Variants in ZMYND11 observed in about 807,000 individuals in gnomAD.
ZMYND11 encodes zinc finger MYND-type containing 11, also known as zinc finger MYND domain-containing protein 11.
Under a neutral mutation model 84.9 loss-of-function variants are expected in ZMYND11, and 9 were observed. That is an observed-to-expected ratio of 0.11 (90% CI 0.06 to 0.18). The LOEUF (loss-of-function observed/expected upper bound fraction) is 0.18. Among genes scored for constraint, ZMYND11 ranks in the 10% least tolerant of loss-of-function variants. The pLI, the probability that ZMYND11 is intolerant of heterozygous loss-of-function variation, is 1.00. For synonymous variants in ZMYND11, 250 were observed against 244.1 expected (o/e 1.02, Z -0.23); for missense variants, 409 against 761.0 (o/e 0.54, Z 5.44).
At chr10:211,710 C>A (rs933968266) in intron 3 of ZMYND11, among the ~76,000 whole-genome samples, 13 of 152,158 alleles carry the variant, frequency 8.5e-5, no homozygotes, top group Admixed American at 1.3e-4. Flanking sequence ...TTTACTTTCA[C>A]TGGTGTAATT....
chr10:199,271 C>T (rs369474964), intron 2 of ZMYND11, among the ~76,000 whole-genome samples: 1 of 136,878 alleles, frequency 7.3e-6, no homozygotes, highest in Non-Finnish European at 1.6e-5. Flanking sequence ...CTCCCCATTC[C>T]CCTTCCCATC....
intron 2 of ZMYND11, among the ~76,000 whole-genome samples, chr10:199,176 A>G (rs1013811049): frequency 1.7e-4 from 26 of 151,954 alleles, no homozygotes; most frequent in Admixed American, 6.6e-4. Flanking sequence ...CTAGTTTTCA[A>G]TGGAAGGATT....
chr10:190,951 G>A (rs1588808972), intron 2 of ZMYND11, among the ~76,000 whole-genome samples: 1 of 151,990 alleles, frequency 6.6e-6, no homozygotes, highest in East Asian at 1.9e-4. Flanking sequence ...TCTTTGAAGA[G>A]CATTCTGCTT....
intron 2 of ZMYND11, among the ~76,000 whole-genome samples, chr10:181,018 T>TTA (rs1554768093): frequency 3.3e-5 from 5 of 152,174 alleles, no homozygotes; most frequent in Non-Finnish European, 2.9e-5. Context: ...AAGCTTCTAT[T>TTA]TACATGTTGT....
intron 2 of ZMYND11, among the ~76,000 whole-genome samples, chr10:195,910 T>C (rs762697764): frequency 6.6e-6 from 1 of 152,150 alleles, no homozygotes; most frequent in Non-Finnish European, 1.5e-5. Context: ...CAAGAAGAAG[T>C]AAATGGGAGG....
intron 1 of ZMYND11, among the ~76,000 whole-genome samples, chr10:154,060 T>TA (rs1841077716): frequency 6.6e-6 from 1 of 152,210 alleles, no homozygotes. Flanking sequence ...TCACCACACT[T>TA]ACTGTTTAAT....
At chr10:170,928 A>AT (rs2131630706) in intron 1 of ZMYND11, among the ~76,000 whole-genome samples, 1 of 152,282 alleles carries the variant, frequency 6.6e-6, no homozygotes, top group South Asian at 2.1e-4. Context: ...CAACCCAACA[A>AT]TATCTTGACT....
intron 2 of ZMYND11, among the ~76,000 whole-genome samples, chr10:197,735 C>CAGAGTGT (rs1942153995): frequency 1.3e-5 from 2 of 152,176 alleles, no homozygotes; most frequent in South Asian, 4.1e-4. Flanking sequence ...TGTCAGGTGG[C>CAGAGTGT]AGAGTGTAGT....
rs1835770278 is a variant in ZMYND11 at position 135,600 on chromosome 10, G to A, written c.-20+41G>A. The A allele has an allele frequency of 6.7e-6, 1 of 149,950 alleles. No individual in the cohort carries two copies. The highest frequency in any genetic ancestry group is 1.8e-4 in the South Asian group (1 of 5,626). The allele number at this position is 149,950 out of a possible 1,614,324, so 9.3% of individuals were successfully genotyped here. On this transcript the variant is annotated intron_variant, in intron 1 of 14. Coordinates refer to ENST00000381604, the MANE Select transcript of ZMYND11 (RefSeq NM_001370100.5). This position sits in a 1 kb window ranked among gnomAD's most constrained non-coding sequence, Gnocchi z 5.6. ...CGGCGGGGCGGCGGGGCGGGCGGGG[G>A]CGTCCGTGGAGATGGCGCGGCCCGC...
At chr10:243,675 A>G (rs760622195) in intron 10 of ZMYND11, among the ~76,000 whole-genome samples, 3 of 152,116 alleles carry the variant, frequency 2.0e-5, no homozygotes, top group Admixed American at 6.6e-5. Flanking sequence ...ACCATCCTGG[A>G]TAACACAGTG....
chr10:141,574 T>G (rs1163503272), intron 1 of ZMYND11, among the ~76,000 whole-genome samples: 1 of 152,240 alleles, frequency 6.6e-6, no homozygotes, highest in Non-Finnish European at 1.5e-5. Context: ...TCCCAATTTG[T>G]AACTTTGAGA....
intron 2 of ZMYND11, among the ~76,000 whole-genome samples, chr10:206,276 C>G (rs1944150430): frequency 6.6e-6 from 1 of 152,134 alleles, no homozygotes. Flanking sequence ...AGGAGAATCA[C>G]TTGAACCCAG....
At chr10:144,808 T>A (rs1838354233) in intron 1 of ZMYND11, among the ~76,000 whole-genome samples, 1 of 150,186 alleles carries the variant, frequency 6.7e-6, no homozygotes, top group South Asian at 2.1e-4. Context: ...ATGGATAAAT[T>A]GCATAGTGGT....
rs2131695547 is a variant in ZMYND11 at position 237,652 on chromosome 10, C to T, written c.584C>T (p.Ala195Val). ...ATGTACAGGAGGCTGGTGCACTCAGCTGTGGACGTTCCCACCATTCAAGAG... is the reference window on the plus strand; with the variant it reads ...ATGTACAGGAGGCTGGTGCACTCAGTTGTGGACGTTCCCACCATTCAAGAG... Reference protein sequence around the residue: ...HPMYRRLVHSAVDVPTIQEKV... With the variant: ...HPMYRRLVHSVVDVPTIQEKV... Residue 195 changes from alanine to valine, a missense_variant, in exon 6 of 15, where the codon GCT becomes GTT. Coordinates refer to ENST00000381604, the MANE Select transcript of ZMYND11 (RefSeq NM_001370100.5). The T allele has an allele frequency of 6.2e-7, 1 of 1,611,954 alleles. No individual in the cohort carries two copies. Among genetic ancestry groups the T allele is most frequent in the Non-Finnish European group, 8.5e-7 (1 of 1,179,374 alleles).
chr10:150,553 T>C (rs1382798884), intron 1 of ZMYND11, among the ~76,000 whole-genome samples: 4 of 152,182 alleles, frequency 2.6e-5, no homozygotes, highest in Non-Finnish European at 4.4e-5. Context: ...TTGATGGCCA[T>C]TGCTGAGGCT....
chr10:195,323 A>G (rs1443795587), intron 2 of ZMYND11, among the ~76,000 whole-genome samples: 34 of 152,254 alleles, frequency 2.2e-4, no homozygotes. Flanking sequence ...ACAAGAACGA[A>G]TAATGAGCAA....
chr10:167,981 T>C (rs1349975997), intron 1 of ZMYND11, among the ~76,000 whole-genome samples: 1 of 152,152 alleles, frequency 6.6e-6, no homozygotes, highest in Non-Finnish European at 1.5e-5. Flanking sequence ...CAGTAACTCT[T>C]GATACCCCCT....
chr10:163,560 A>G (rs782025599), intron 1 of ZMYND11, among the ~76,000 whole-genome samples: 23 of 152,054 alleles, frequency 1.5e-4, no homozygotes, highest in African/African-American at 2.4e-4. Context: ...CCTACTTATA[A>G]TATCCTATTT....
intron 3 of ZMYND11, among the ~76,000 whole-genome samples, chr10:219,141 G>T (rs1293566424): frequency 6.6e-6 from 1 of 152,110 alleles, no homozygotes; most frequent in African/African-American, 2.4e-5. Context: ...ACTAGGTCAA[G>T]AATTAAACAC....
Sources: allele counts gnomAD v4.1 joint callset (sites outside exome capture counted in the v4.1 genomes callset), GRCh38; gene constraint gnomAD v4.1.1; non-coding constraint Gnocchi (gnomAD v3.1); transcripts MANE v1.5; gene names NCBI Gene and HGNC (gene_info 2026-07-23, HGNC 2026-07-21).